SLC9A9: variants seen among roughly 807,000 people sequenced by gnomAD.
SLC9A9 encodes the protein solute carrier family 9 member A9.
In SLC9A9, 62 loss-of-function variants were observed where a neutral mutation model predicts 77.8. The observed-to-expected ratio is 0.80, with a 90% CI of 0.65 to 0.98. SLC9A9 has a LOEUF of 0.98. Among genes scored for constraint, SLC9A9 ranks in the 50% least tolerant of loss-of-function variants. The probability of loss-of-function intolerance (pLI) is 0.00; values close to 1 mark genes in which losing one functional copy is unlikely to be tolerated. For missense variants in SLC9A9, 775 were observed against 774.9 expected (o/e 1.00, Z 0.00); for synonymous variants, 320 against 283.5 (o/e 1.13, Z -1.29).
chr3:143,377,836 C>T (rs2033215840), intron 13 of SLC9A9, among the ~76,000 whole-genome samples: 1 of 152,156 alleles, frequency 6.6e-6, no homozygotes, highest in Non-Finnish European at 1.5e-5. Context: ...GGCCCCTGCC[C>T]CTGTCTGTTT....
At chr3:143,807,023 C>T (rs1304376155) in intron 2 of SLC9A9, among the ~76,000 whole-genome samples, 1 of 152,212 alleles carries the variant, frequency 6.6e-6, no homozygotes, top group Non-Finnish European at 1.5e-5. Flanking sequence ...CTTCCTCATA[C>T]TGGCTCTCCG....
At chr3:143,422,156 T>C (rs2034311398) in intron 12 of SLC9A9, among the ~76,000 whole-genome samples, 1 of 152,108 alleles carries the variant, frequency 6.6e-6, no homozygotes, top group African/African-American at 2.4e-5. Flanking sequence ...GGAATGTAAA[T>C]TAGTTCAGTC....
At chr3:143,711,325 A>T (rs1324187809) in intron 4 of SLC9A9, among the ~76,000 whole-genome samples, 1 of 152,168 alleles carries the variant, frequency 6.6e-6, no homozygotes, top group Non-Finnish European at 1.5e-5. Flanking sequence ...TCTTATAATA[A>T]TAGGTTTTAC....
chr3:143,351,591 CAA>C (rs2032457497), intron 14 of SLC9A9, among the ~76,000 whole-genome samples: 1 of 151,990 alleles, frequency 6.6e-6, no homozygotes, highest in African/African-American at 2.4e-5. Context: ...GGATATCTTC[CAA>C]AGAGTGGGAT....
intron 9 of SLC9A9, among the ~76,000 whole-genome samples, chr3:143,524,291 A>AGGAGAGGGATAGAGGCTGAAC (rs1302360219): frequency 6.6e-6 from 1 of 152,058 alleles, no homozygotes; most frequent in Admixed American, 6.5e-5. Context: ...GAGATAGAAG[A>AGGAGAGGGATAGAGGCTGAAC]GGAGAGGGAT....
chr3:143,291,076 C>T (rs766525061), intron 14 of SLC9A9, among the ~76,000 whole-genome samples: 4 of 152,198 alleles, frequency 2.6e-5, no homozygotes, highest in Admixed American at 2.6e-4. Context: ...GGTGAAGCCA[C>T]GCAACTCTGC....
chr3:143,835,246 A>T (rs1009323224), intron 1 of SLC9A9, among the ~76,000 whole-genome samples: 1 of 152,180 alleles, frequency 6.6e-6, no homozygotes, highest in African/African-American at 2.4e-5. Context: ...ATCTCTTTCT[A>T]GCATCTGCTT....
intron 4 of SLC9A9, among the ~76,000 whole-genome samples, chr3:143,753,041 T>G (rs567830875): frequency 1.3e-5 from 2 of 152,302 alleles, no homozygotes; most frequent in African/African-American, 4.8e-5. Flanking sequence ...AAGCAGCCAA[T>G]GAAAAGATTA....
At chr3:143,797,189 T>TAAAATATATATGTATATAAAAAATATATA (rs71304253) in intron 2 of SLC9A9, among the ~76,000 whole-genome samples, 2 of 147,780 alleles carry the variant, frequency 1.4e-5, no homozygotes, top group South Asian at 2.1e-4. Flanking sequence ...TATATATATA[T>TAAAATATATATGTATATAAAAAATATATA]AAAATATATA....
intron 4 of SLC9A9, among the ~76,000 whole-genome samples, chr3:143,722,367 A>G (rs1253591442): frequency 1.4e-5 from 2 of 147,996 alleles, no homozygotes; most frequent in Admixed American, 1.4e-4. Context: ...CAGTTACCCG[A>G]GAGGCTGAGG....
chr3:143,307,473 G>C (rs942091056), intron 14 of SLC9A9, among the ~76,000 whole-genome samples: 4 of 152,194 alleles, frequency 2.6e-5, no homozygotes, highest in Non-Finnish European at 5.9e-5. Context: ...TTTCAAATGA[G>C]TACATTTAGG....
chr3:143,547,861 T>C (rs1429255063), intron 9 of SLC9A9, among the ~76,000 whole-genome samples: 3 of 152,258 alleles, frequency 2.0e-5, no homozygotes, highest in Non-Finnish European at 4.4e-5. Flanking sequence ...CTATATACTT[T>C]GCTTATTTAT....
intron 4 of SLC9A9, among the ~76,000 whole-genome samples, chr3:143,782,949 A>G (rs2007928564): frequency 6.6e-6 from 1 of 152,120 alleles, no homozygotes; most frequent in Admixed American, 6.5e-5. Context: ...ATTGCTCTAA[A>G]TCTGATCCAA....
chr3:143,268,913 G>A lies in SLC9A9; in HGVS notation c.1672C>T (p.Pro558Ser), dbSNP rs745363237. 1.9e-6 allele frequency: 3 copies of A among 1,613,604 alleles called. No individual in the cohort carries two copies. Among genetic ancestry groups the A allele is most frequent in the Non-Finnish European group, 8.5e-7 (1 of 1,179,828 alleles). ...GGACTGGTAAGCAGCCTGGAAATCG[G>A]ACCACACCATTCAGGTAATGTTGTA... ...LTTTLPEWCGPISRLLTSPQA... is the reference protein window; with the variant it reads ...LTTTLPEWCGSISRLLTSPQA... Residue 558 changes from proline (P) to serine (S), a missense_variant, in exon 15 of 16, where the codon CCG (proline) becomes TCG (serine). Coordinates refer to ENST00000316549, the MANE Select transcript of SLC9A9 (RefSeq NM_173653.4).
chr3:143,666,473 C>A (rs549288852), intron 5 of SLC9A9, among the ~76,000 whole-genome samples: 3 of 152,034 alleles, frequency 2.0e-5, no homozygotes, highest in Non-Finnish European at 4.4e-5. Context: ...TAGTGTTGGA[C>A]GTTCTGGCAA....
chr3:143,586,615 C>A (rs868104567), intron 6 of SLC9A9, among the ~76,000 whole-genome samples: 1 of 152,144 alleles, frequency 6.6e-6, no homozygotes, highest in Non-Finnish European at 1.5e-5. Context: ...TACCAACCTG[C>A]CCTTTCTCAG....
chr3:143,779,602 C>T (rs1271367304), intron 4 of SLC9A9, among the ~76,000 whole-genome samples: 1 of 152,114 alleles, frequency 6.6e-6, no homozygotes, highest in African/African-American at 2.4e-5. Flanking sequence ...AACTTCTGAC[C>T]TCAGGTGATC....
Position 143,378,256 on chromosome 3 carries a change from G to T in SLC9A9, c.1524+3804C>A, listed in dbSNP as rs140856771. On this transcript the variant is annotated intron_variant, in intron 13 of 15. Transcript: ENST00000316549. Reference sequence around the variant, plus strand: ...TTAGTGCCGTAGGAGTGGGTACCAAGAATTACTTGTATGAATAAATGAATG... The same window carrying T: ...TTAGTGCCGTAGGAGTGGGTACCAATAATTACTTGTATGAATAAATGAATG... Among the ~76,000 whole-genome samples the T allele has an allele frequency of 2.9e-3, 443 of 152,308 alleles. 1 individual carries two copies. Among genetic ancestry groups the T allele is most frequent in the African/African-American group, 0.01 (422 of 41,568 alleles).
intron 2 of SLC9A9, among the ~76,000 whole-genome samples, chr3:143,810,519 C>T (rs1017541050): frequency 2.6e-5 from 4 of 152,172 alleles, no homozygotes; most frequent in African/African-American, 9.7e-5. Flanking sequence ...TTTCCAGAGA[C>T]AGGAGAATAA....
Sources: allele counts gnomAD v4.1 joint callset (sites outside exome capture counted in the v4.1 genomes callset), GRCh38; gene constraint gnomAD v4.1.1; transcripts MANE v1.5; gene names NCBI Gene and HGNC (gene_info 2026-07-23, HGNC 2026-07-21).